The following GOLM2 variants were observed in gnomAD, a reference collection of about 807,000 sequenced individuals.
GOLM2 encodes the protein golgi membrane protein 2.
A neutral mutation model predicts 55.9 loss-of-function variants in GOLM2; 26 were observed. The ratio of observed to expected loss-of-function variants is 0.47; its 90% CI spans 0.34 to 0.65. The LOEUF is 0.65. GOLM2 is among the 30% of genes least tolerant of loss of function. The probability of loss-of-function intolerance (pLI) is 0.01; values close to 1 mark genes in which losing one functional copy is unlikely to be tolerated. For missense variants in GOLM2, 486 were observed against 531.8 expected, an observed-to-expected ratio of 0.91 and a Z score of 0.85; for synonymous variants, 165 against 194.6, an observed-to-expected ratio of 0.85 and a Z score of 1.27.
intron 8 of GOLM2, among the ~76,000 whole-genome samples, chr15:44,393,753 G>A (rs536712606): frequency 3.2e-4 from 49 of 152,206 alleles, no homozygotes; most frequent in African/African-American, 1.1e-3. Context: ...GTGCAGTGGC[G>A]CAATCTTGGC....
At chr15:44,396,319 C>G (rs2079526538) in intron 8 of GOLM2, among the ~76,000 whole-genome samples, 1 of 152,056 alleles carries the variant, frequency 6.6e-6, no homozygotes, top group Non-Finnish European at 1.5e-5. Context: ...GATTGCAACA[C>G]TGCACTCCAG....
chr15:44,390,465 G>T (rs1356560649), intron 8 of GOLM2: 1 of 152,082 alleles, frequency 6.6e-6, no homozygotes, highest in Non-Finnish European at 1.5e-5. Flanking sequence ...TAGCAGCAGG[G>T]TTTCATTTAT....
chr15:44,309,003 T>C (rs2078856705), intron 1 of GOLM2, among the ~76,000 whole-genome samples: 1 of 152,158 alleles, frequency 6.6e-6, no homozygotes, highest in Non-Finnish European at 1.5e-5. Flanking sequence ...AAAGAAGACA[T>C]ACAAGTGGCC....
At chr15:44,352,509 CA>C (rs1432708452) in intron 6 of GOLM2, among the ~76,000 whole-genome samples, 2 of 152,084 alleles carry the variant, frequency 1.3e-5, no homozygotes, top group African/African-American at 2.4e-5. Flanking sequence ...TCAGACTGGG[CA>C]AAGATTTCTT....
intron 8 of GOLM2, among the ~76,000 whole-genome samples, chr15:44,386,865 G>A (rs771279588): frequency 2.0e-5 from 3 of 151,204 alleles, no homozygotes; most frequent in Admixed American, 6.6e-5. Context: ...AGTGAGCCCT[G>A]TCTCTGAAAA....
At chr15:44,322,694 A>G (rs1235542609) in intron 1 of GOLM2, among the ~76,000 whole-genome samples, 2 of 152,136 alleles carry the variant, frequency 1.3e-5, no homozygotes, top group Non-Finnish European at 2.9e-5. Flanking sequence ...TGAGTTTTAG[A>G]AAAAAATCAT....
chr15:44,354,462 A>G (rs1451670679), intron 6 of GOLM2, among the ~76,000 whole-genome samples: 4 of 151,960 alleles, frequency 2.6e-5, no homozygotes, highest in Non-Finnish European at 5.9e-5. Context: ...TAATAAAATA[A>G]AAATAAATAA....
chr15:44,329,207 G>A (rs2079005162), intron 3 of GOLM2, among the ~76,000 whole-genome samples: 1 of 152,196 alleles, frequency 6.6e-6, no homozygotes, highest in Admixed American at 6.5e-5. Flanking sequence ...CTGCATGTCA[G>A]CCCTCTTGCT....
chr15:44,329,779 G>GTAGTCCTA (rs2079009363), intron 3 of GOLM2, among the ~76,000 whole-genome samples: 1 of 151,934 alleles, frequency 6.6e-6, no homozygotes, highest in African/African-American at 2.4e-5. Flanking sequence ...GCGTATGCCT[G>GTAGTCCTA]TAGTCCTAGC....
intron 6 of GOLM2, among the ~76,000 whole-genome samples, chr15:44,344,756 CTTAT>C (rs925132441): frequency 2.7e-5 from 4 of 150,926 alleles, no homozygotes; most frequent in Non-Finnish European, 5.9e-5. Flanking sequence ...ACATGCAAAA[CTTAT>C]TTATTTATTT....
At chr15:44,316,993 A>ATC (rs1474830285) in intron 1 of GOLM2, among the ~76,000 whole-genome samples, 1 of 152,080 alleles carries the variant, frequency 6.6e-6, no homozygotes, top group Non-Finnish European at 1.5e-5. Flanking sequence ...GAATATATAT[A>ATC]TTCAACTATA....
chr15:44,399,358 A>C (rs930476634), intron 8 of GOLM2, among the ~76,000 whole-genome samples: 26 of 152,196 alleles, frequency 1.7e-4, no homozygotes, highest in African/African-American at 6.0e-4. Flanking sequence ...CCCAGTATTA[A>C]AGGTTAGCTA....
intron 2 of GOLM2, among the ~76,000 whole-genome samples, chr15:44,327,985 T>C (rs1341303893): frequency 6.6e-6 from 1 of 152,222 alleles, no homozygotes; most frequent in South Asian, 2.1e-4. Flanking sequence ...TCGAATGTGA[T>C]TTAAAATGAG....
intron 6 of GOLM2, among the ~76,000 whole-genome samples, chr15:44,356,540 C>T (rs77267482): frequency 0.049 from 7,480 of 152,246 alleles, 301 homozygotes; most frequent in East Asian, 0.19. Flanking sequence ...ATAATCTGAA[C>T]AGGTTTATAT....
intron 1 of GOLM2, among the ~76,000 whole-genome samples, chr15:44,302,994 T>C (rs1380625549): frequency 2.0e-5 from 3 of 151,894 alleles, no homozygotes; most frequent in Non-Finnish European, 4.4e-5. Flanking sequence ...TCCCAGCTAC[T>C]TGGGAGGCTG....
At chr15:44,317,757 A>C (rs2078920988) in intron 1 of GOLM2, among the ~76,000 whole-genome samples, 1 of 152,090 alleles carries the variant, frequency 6.6e-6, no homozygotes, top group Admixed American at 6.5e-5. Flanking sequence ...AATAGGTCAA[A>C]ATCTCAAAAA....
chr15:44,339,048 C>G (rs1435422250), intron 6 of GOLM2, among the ~76,000 whole-genome samples: 1 of 152,176 alleles, frequency 6.6e-6, no homozygotes, highest in Non-Finnish European at 1.5e-5. Context: ...CATGCCTCTA[C>G]TGCTTTTGGC....
intron 3 of GOLM2, among the ~76,000 whole-genome samples, chr15:44,330,469 C>T (rs147891707): frequency 0.011 from 1,586 of 146,850 alleles, 32 homozygotes; most frequent in African/African-American, 0.038. Context: ...GCCGAGATCG[C>T]GCCATTGCAC....
chr15:44,300,428 G>A (rs896423243), intron 1 of GOLM2, among the ~76,000 whole-genome samples: 14 of 152,108 alleles, frequency 9.2e-5, no homozygotes, highest in African/African-American at 3.1e-4. Flanking sequence ...TCTTATTTTT[G>A]TATTTCTCTG....
Sources: allele counts gnomAD v4.1 joint callset (sites outside exome capture counted in the v4.1 genomes callset), GRCh38; gene constraint gnomAD v4.1.1; transcripts MANE v1.5; gene names NCBI Gene and HGNC (gene_info 2026-07-23, HGNC 2026-07-21).